Variants in CKS1B observed in about 807,000 individuals in gnomAD.
CKS1B encodes CDC28 protein kinase regulatory subunit 1B, also known as cyclin-dependent kinases regulatory subunit 1.
CKS1B carries 5 observed loss-of-function variants against 12.2 expected under a neutral mutation model. That is an observed-to-expected ratio of 0.41 (90% CI 0.21 to 0.86). CKS1B has a LOEUF of 0.86. Ranked by LOEUF, CKS1B falls within the 40% of genes least tolerant of loss-of-function variation. The pLI is 0.32. For missense variants in CKS1B, 53 were observed against 99.9 expected (o/e 0.53, Z 2.00); for synonymous variants, 24 against 34.4 (o/e 0.70, Z 1.06).
intron 2 of CKS1B, 62 bp downstream of exon 2, chr1:154,978,176 G>A: frequency 6.5e-7 from 1 of 1,532,140 alleles, no homozygotes; most frequent in East Asian, 2.4e-5. Flanking sequence ...GAAAGAATAA[G>A]ATTGTATAAC....
intron 1 of CKS1B, 72 bp downstream of exon 1, chr1:154,974,876 AG>A (rs1381888408): frequency 6.2e-7 from 1 of 1,613,962 alleles, no homozygotes; most frequent in East Asian, 2.2e-5. Context: ...AATTAGTAAC[AG>A]GAACTGAGGC....
rs190251382 is a variant in CKS1B at position 154,974,683 on chromosome 1, G to A, written c.-63G>A. The A allele has an allele frequency of 1.2e-4, 183 of 1,544,634 alleles. No individual in the cohort carries two copies. In the African/African-American group the frequency reaches 1.6e-3, roughly 13 times the overall value. On this transcript the variant is annotated 5_prime_UTR_variant, in exon 1 of 3. The change creates a new upstream start codon in the 5' untranslated region. Transcript: ENST00000308987. ...GCGAGGCCAAAGTGGGTGGGAGCGC[G>A]TGCTGTTGGGAGTTGCTTGGAGGTT...
chr1:154,975,770 G>A (rs1175752502), intron 1 of CKS1B: 1 of 154,806 alleles, frequency 6.5e-6, no homozygotes, highest in East Asian at 1.9e-4. Flanking sequence ...TTGGTTTGGG[G>A]GCGGGGGAGT....
chr1:154,974,760 A>G lies in CKS1B; in HGVS notation c.15A>G (p.Gln5=), dbSNP rs1467056254. The change falls in exon 1 of 3, where the codon CAA becomes CAG. Residue 5 remains glutamine (Q), a synonymous_variant. Coordinates refer to ENST00000308987, the MANE Select transcript of CKS1B (RefSeq NM_001826.3). ...ACCGAGCGATCATGTCGCACAAACA[A>G]ATTTACTATTCGGACAAATACGACG... MSHK[Q]IYYSDKYDDE... 6.2e-6 allele frequency: 10 copies of G among 1,610,366 alleles called. No homozygotes were observed. Among genetic ancestry groups the G allele is most frequent in the Admixed American group, 5.1e-5 (3 of 59,252 alleles).
chr1:154,974,923 G>C (rs1421932904), intron 1 of CKS1B, 119 bp downstream of exon 1: 1 of 1,613,834 alleles, frequency 6.2e-7, no homozygotes, highest in Admixed American at 1.7e-5. Flanking sequence ...GTGCGAACGG[G>C]CAATGGTGTG....
chr1:154,978,792 T>G lies in CKS1B; in HGVS notation c.*15T>G. 6.6e-7 allele frequency: 1 copy of G among 1,525,954 alleles called. No homozygotes were observed. Among genetic ancestry groups the G allele is most frequent in the East Asian group, 2.2e-5 (1 of 44,462 alleles). 94.5% of individuals were successfully genotyped at this position (1,525,954 alleles called of 1,614,324 possible). Reference sequence around the variant, plus strand: ...CAAAGAAATGAAGCTGGCAAGCTACTTTTCAGCCTCAAGCTTTACACAGCT... The same window carrying G: ...CAAAGAAATGAAGCTGGCAAGCTACGTTTCAGCCTCAAGCTTTACACAGCT... On this transcript the variant is annotated 3_prime_UTR_variant, in exon 3 of 3. Coordinates refer to ENST00000308987, the MANE Select transcript of CKS1B (RefSeq NM_001826.3).
rs1169724182 is a variant in CKS1B, at chr1:154,979,073, T to G, written c.*296T>G. On this transcript the variant is annotated 3_prime_UTR_variant, in exon 3 of 3. Coordinates refer to ENST00000308987, the MANE Select transcript of CKS1B (RefSeq NM_001826.3). ...GGCAGATGGAGGAAGCATCTGAGTT[T>G]GAGACCATGGCTGTTACAGGGATCA... 1 of 373,066 alleles carries G rather than the reference T, an allele frequency of 2.7e-6. No individual in the cohort carries two copies. The highest frequency in any genetic ancestry group is 5.5e-5 in the East Asian group (1 of 18,282). The allele number at this position is 373,066 out of a possible 1,614,324, so 23.1% of individuals were successfully genotyped here. A position where few individuals can be genotyped will look rare whatever the true frequency, so the allele number is the denominator to read the frequency against.
intron 1 of CKS1B, 57 bp downstream of exon 1, chr1:154,974,861 C>G: frequency 1.2e-6 from 2 of 1,613,948 alleles, no homozygotes; most frequent in Non-Finnish European, 1.7e-6. Context: ...GCTGAGGGCA[C>G]AAGGAATTAG....
chr1:154,975,341 G>GA (rs1369214761), intron 1 of CKS1B, among the ~76,000 whole-genome samples: 2 of 152,132 alleles, frequency 1.3e-5, no homozygotes, highest in East Asian at 3.8e-4. Flanking sequence ...GGAGCATTGA[G>GA]AAAATACTTA....
Position 154,975,053 on chromosome 1 carries a change from C to G in CKS1B, c.59+249C>G, listed in dbSNP as rs1657117984. 24 of 907,816 alleles carry G rather than the reference C, an allele frequency of 2.6e-5. 1 individual carries two copies. Among genetic ancestry groups the G allele is most frequent in the Non-Finnish European group, 4.2e-5 (23 of 549,006 alleles). The allele number at this position is 907,816 out of a possible 1,614,324, so 56.2% of individuals were successfully genotyped here. A position where few individuals can be genotyped will look rare whatever the true frequency, so the allele number is the denominator to read the frequency against. On this transcript the variant is annotated intron_variant, in intron 1 of 2. Transcript: ENST00000308987. ...GAGAGGGGTGGGCGTGGTTAGGGTACTGACCACCCTCACCCATGAGGCTTT... is the reference window on the plus strand; with the variant it reads ...GAGAGGGGTGGGCGTGGTTAGGGTAGTGACCACCCTCACCCATGAGGCTTT...
chr1:154,975,443 A>C, intron 1 of CKS1B: 1 of 173,996 alleles, frequency 5.7e-6, no homozygotes, highest in Non-Finnish European at 1.3e-5. Flanking sequence ...TGCAAGGATA[A>C]CACATGGTCT....
chr1:154,979,243 TA>T lies in CKS1B; in HGVS notation c.*468del, dbSNP rs1657262043. On this transcript the variant is annotated 3_prime_UTR_variant, in exon 3 of 3. Transcript: ENST00000308987. ...GCCTTGATTAAAGAGGAAGTTTTTATAATCTAGTGCTGTAATTGTACGGGTT... is the reference window on the plus strand; with the variant it reads ...GCCTTGATTAAAGAGGAAGTTTTTATATCTAGTGCTGTAATTGTACGGGTT... The T allele has an allele frequency of 6.0e-6, 1 of 165,838 alleles. No individual in the cohort carries two copies. The highest frequency in any genetic ancestry group is 6.0e-5 in the Admixed American group (1 of 16,702). The allele number at this position is 165,838 out of a possible 1,614,324, so 10.3% of individuals were successfully genotyped here.
rs138945584 is a variant in CKS1B at position 154,979,185 on chromosome 1, C to T, written c.*408C>T. The T allele has an allele frequency of 1.1e-3, 185 of 175,226 alleles. No individual in the cohort carries two copies. The highest frequency in any genetic ancestry group is 1.9e-3 in the Non-Finnish European group (159 of 81,620). The allele number at this position is 175,226 out of a possible 1,614,324, so 10.9% of individuals were successfully genotyped here. ...TATGTTTCAGTGTACTGGAAACTTTCCATTTTATTCAAGAAATCTGTTCAT... is the reference window on the plus strand; with the variant it reads ...TATGTTTCAGTGTACTGGAAACTTTTCATTTTATTCAAGAAATCTGTTCAT... On this transcript the variant is annotated 3_prime_UTR_variant, in exon 3 of 3. Transcript: ENST00000308987.
chr1:154,975,211 A>G (rs1342418878), intron 1 of CKS1B: 3 of 574,030 alleles, frequency 5.2e-6, no homozygotes, highest in Non-Finnish European at 9.3e-6. Flanking sequence ...CCCTAACAGG[A>G]GAGTAGCGCT....
chr1:154,975,093 G>A, intron 1 of CKS1B: 1 of 682,948 alleles, frequency 1.5e-6, no homozygotes, highest in South Asian at 1.7e-5. Flanking sequence ...ATCATTCTCT[G>A]AACTTTATCG....
intron 1 of CKS1B, 183 bp downstream of exon 1, chr1:154,974,987 A>G (rs754133326): frequency 1.8e-4 from 284 of 1,583,546 alleles, no homozygotes; most frequent in Non-Finnish European, 2.2e-4. Context: ...CTCGTAAAAC[A>G]AAGTGGTTGC....
At chr1:154,978,550 T>C in intron 2 of CKS1B, 175 bp from the exon 3 acceptor site, 1 of 615,312 alleles carries the variant, frequency 1.6e-6, no homozygotes, top group Non-Finnish European at 2.9e-6. Context: ...TTAACAATTC[T>C]GTACTTGGCA....
In CKS1B at chr1:154,978,926, C is replaced by G; in HGVS notation, c.*149C>G. 1 of 627,894 alleles carries G rather than the reference C, an allele frequency of 1.6e-6. No individual in the cohort carries two copies. Among genetic ancestry groups the G allele is most frequent in the South Asian group, 1.9e-5 (1 of 54,050 alleles). The allele number at this position is 627,894 out of a possible 1,614,324, so 38.9% of individuals were successfully genotyped here. Reference sequence around the variant, plus strand: ...CACTGTTTGAATGTGCTGGTAACTGCTTTGCTTCTTGAGTAGAGCCACCAC... The same window carrying G: ...CACTGTTTGAATGTGCTGGTAACTGGTTTGCTTCTTGAGTAGAGCCACCAC... On this transcript the variant is annotated 3_prime_UTR_variant, in exon 3 of 3. Coordinates refer to ENST00000308987, the MANE Select transcript of CKS1B (RefSeq NM_001826.3).
intron 2 of CKS1B, chr1:154,978,473 C>A: frequency 1.8e-6 from 1 of 558,456 alleles, no homozygotes; most frequent in Non-Finnish European, 3.2e-6. Flanking sequence ...ACACCAGACA[C>A]CCAGCTGCCA....
Sources: allele counts gnomAD v4.1 joint callset (sites outside exome capture counted in the v4.1 genomes callset), GRCh38; gene constraint gnomAD v4.1.1; transcripts MANE v1.5; gene names NCBI Gene and HGNC (gene_info 2026-07-23, HGNC 2026-07-21).